DSCAML1: variants seen among roughly 807,000 people sequenced by gnomAD.
DSCAML1 encodes cell adhesion molecule DSCAML1.
Under a neutral mutation model 200.5 loss-of-function variants are expected in DSCAML1, and 38 were observed. That is an observed-to-expected ratio of 0.19 (90% CI 0.15 to 0.25). The LOEUF is 0.25. DSCAML1 is among the 10% of genes least tolerant of loss of function. DSCAML1 has a pLI of 1.00. For missense variants in DSCAML1, 2,223 were observed against 2,858.8 expected, an observed-to-expected ratio of 0.78 and a Z score of 5.07; for synonymous variants, 1,215 against 1,165.0, an observed-to-expected ratio of 1.04 and a Z score of -0.87.
intron 20 of DSCAML1, among the ~76,000 whole-genome samples, chr11:117,445,722 G>A (rs1281744757): frequency 6.6e-6 from 1 of 152,188 alleles, no homozygotes; most frequent in Non-Finnish European, 1.5e-5. Flanking sequence ...GAGTGTATGT[G>A]CTTGTGTGCA....
chr11:117,808,918 C>A (rs558857886), intron 1 of DSCAML1, among the ~76,000 whole-genome samples: 17 of 152,246 alleles, frequency 1.1e-4, no homozygotes, highest in Admixed American at 2.0e-4. Context: ...TATCACAAAC[C>A]CCATCTCACA....
chr11:117,608,273 AG>A (rs1329486795), intron 3 of DSCAML1, among the ~76,000 whole-genome samples: 6 of 152,370 alleles, frequency 3.9e-5, no homozygotes, highest in African/African-American at 1.4e-4. Flanking sequence ...TGGTGAACAC[AG>A]CCTTGCAAAT....
chr11:117,780,306 G>A lies in DSCAML1; in HGVS notation c.364+187C>T, dbSNP rs200635422. On this transcript the variant is annotated intron_variant, in intron 2 of 32. Transcript: ENST00000651296. This position sits in a 1 kb window ranked among gnomAD's most constrained non-coding sequence, Gnocchi z 4.8. ...AAAGAAAGAAAGAAAGAAAGAAAGA[G>A]AGAAAGGAGAAAGAAAGGTGTCTCT... is the stretch of plus-strand genomic sequence containing the variant. Among the ~76,000 whole-genome samples, 788 of 98,788 alleles carry A rather than the reference G, an allele frequency of 8.0e-3. 19 individuals carry two copies. In the East Asian group the frequency reaches 0.085, roughly 11 times the overall value. The allele number at this position is 98,788 out of a possible 152,430, so 64.8% of individuals were successfully genotyped here.
At chr11:117,474,405 T>A (rs1219233182) in intron 14 of DSCAML1, among the ~76,000 whole-genome samples, 1 of 152,200 alleles carries the variant, frequency 6.6e-6, no homozygotes, top group East Asian at 1.9e-4. Context: ...GTTCGAGTTC[T>A]TCAAGCCTCC....
intron 3 of DSCAML1, among the ~76,000 whole-genome samples, chr11:117,671,656 A>G (rs1326845804): frequency 6.6e-6 from 1 of 152,242 alleles, no homozygotes; most frequent in African/African-American, 2.4e-5. Context: ...AATTCTGAGA[A>G]GGTACAAATT....
At chr11:117,649,943 C>T (rs907820595) in intron 3 of DSCAML1, among the ~76,000 whole-genome samples, 8 of 152,234 alleles carry the variant, frequency 5.3e-5, no homozygotes, top group African/African-American at 1.9e-4. Context: ...CTGCCTTGAC[C>T]CTTCCTCATT....
intron 3 of DSCAML1, among the ~76,000 whole-genome samples, chr11:117,672,900 A>C (rs1260988927): frequency 6.6e-6 from 1 of 152,218 alleles, no homozygotes; most frequent in African/African-American, 2.4e-5. Flanking sequence ...TAGGAAGTGG[A>C]GGAAGTAAAA....
Position 117,687,426 on chromosome 11 carries a change from A to ATTTTTTT in DSCAML1, c.511+89358_511+89364dup, listed in dbSNP as rs71037492. 6.6e-4 allele frequency among the ~76,000 whole-genome samples: 64 copies of ATTTTTTT among 97,644 alleles called. 4 individuals are homozygous for ATTTTTTT. The highest frequency in any genetic ancestry group is 8.2e-4 in the Non-Finnish European group (42 of 51,490). The allele number at this position is 97,644 out of a possible 152,430, so 64.1% of individuals were successfully genotyped here. ...CAGGTGTGCTCCACCATGCCTGGCT[A>ATTTTTTT]TTTTTTTTTTTTTTTTTTTTTTAGA... is the stretch of plus-strand genomic sequence containing the variant. On this transcript the variant is annotated intron_variant, in intron 3 of 32. Transcript: ENST00000651296.
At chr11:117,762,911 T>C (rs2054830627) in intron 3 of DSCAML1, among the ~76,000 whole-genome samples, 1 of 150,588 alleles carries the variant, frequency 6.6e-6, no homozygotes, top group Non-Finnish European at 1.5e-5. Context: ...ATTTAATATA[T>C]ATGAAACTGT....
chr11:117,613,551 C>A (rs2051743043), intron 3 of DSCAML1, among the ~76,000 whole-genome samples: 1 of 152,156 alleles, frequency 6.6e-6, no homozygotes, highest in African/African-American at 2.4e-5. Flanking sequence ...AAAGTCAACA[C>A]CAGCTCATTA....
At chr11:117,436,593 A>G (rs2047922351) in intron 26 of DSCAML1, among the ~76,000 whole-genome samples, 1 of 151,976 alleles carries the variant, frequency 6.6e-6, no homozygotes. Context: ...AGGAACTGGT[A>G]GTATGCCTTT....
At chr11:117,679,057 G>A (rs938464311) in intron 3 of DSCAML1, among the ~76,000 whole-genome samples, 2 of 152,256 alleles carry the variant, frequency 1.3e-5, no homozygotes, top group African/African-American at 4.8e-5. Context: ...ATTGCCTTCC[G>A]CTGAATGGAA....
chr11:117,618,228 A>G (rs1258081455), intron 3 of DSCAML1, among the ~76,000 whole-genome samples: 1 of 152,190 alleles, frequency 6.6e-6, no homozygotes, highest in Admixed American at 6.5e-5. Flanking sequence ...GGCTTCTCCA[A>G]CATTCTGCCA....
chr11:117,663,782 G>A (rs1170285049), intron 3 of DSCAML1, among the ~76,000 whole-genome samples: 1 of 152,152 alleles, frequency 6.6e-6, no homozygotes, highest in Non-Finnish European at 1.5e-5. Context: ...AGGGGGGCTG[G>A]GGGAGGAAGG....
At chr11:117,608,031 G>C (rs2051607565) in intron 3 of DSCAML1, among the ~76,000 whole-genome samples, 2 of 152,234 alleles carry the variant, frequency 1.3e-5, no homozygotes, top group Non-Finnish European at 2.9e-5. Context: ...GGGGCTAAAA[G>C]ACGTTTCATC....
At chr11:117,694,515 T>C in intron 3 of DSCAML1, among the ~76,000 whole-genome samples, 1 of 152,188 alleles carries the variant, frequency 6.6e-6, no homozygotes, top group Non-Finnish European at 1.5e-5. Context: ...TACAATGTGC[T>C]ATGCCCCCAG....
chr11:117,781,314 GA>G (rs1000359523), intron 1 of DSCAML1, among the ~76,000 whole-genome samples: 1 of 149,638 alleles, frequency 6.7e-6, no homozygotes, highest in Non-Finnish European at 1.5e-5. Context: ...AAGAAAGAAA[GA>G]AAAAAAGAAA....
intron 3 of DSCAML1, among the ~76,000 whole-genome samples, chr11:117,660,027 G>T (rs1418322057): frequency 6.6e-6 from 1 of 152,106 alleles, no homozygotes; most frequent in Non-Finnish European, 1.5e-5. Flanking sequence ...CCCGGCCTCT[G>T]CCTCACACTT....
At chr11:117,765,376 A>G (rs996241451) in intron 3 of DSCAML1, among the ~76,000 whole-genome samples, 1 of 152,186 alleles carries the variant, frequency 6.6e-6, no homozygotes, top group Non-Finnish European at 1.5e-5. Flanking sequence ...GGTAACATTA[A>G]GGGCGTCCCT....
Sources: gnomAD v4.1 joint callset for allele counts (sites outside exome capture counted in the v4.1 genomes callset) on GRCh38, gnomAD v4.1.1 for gene constraint, Gnocchi (gnomAD v3.1) non-coding constraint, MANE v1.5 for transcripts, NCBI Gene and HGNC (gene_info 2026-07-23, HGNC 2026-07-21) for gene names.